The following HOXB3 variants were observed in gnomAD, a reference collection of about 807,000 sequenced individuals.
HOXB3 encodes the protein homeobox B3, also known as homeobox protein Hox-B3.
In HOXB3, 17 loss-of-function variants were observed where a neutral mutation model predicts 29.2. The ratio of observed to expected loss-of-function variants is 0.58; its 90% CI spans 0.40 to 0.87. The LOEUF (loss-of-function observed/expected upper bound fraction) is 0.87, where lower values mean the gene tolerates loss of function less well. HOXB3 is among the 40% of genes least tolerant of loss of function. The pLI is 0.00. For missense variants in HOXB3, 637 were observed against 616.3 expected (o/e 1.03, Z -0.35); for synonymous variants, 317 against 285.9 (o/e 1.11, Z -1.10).
chr17:48,552,766 A>AG (rs2068815346), intron 3 of HOXB3, 134 bp from the exon 4 acceptor site: 1 of 379,478 alleles, frequency 2.6e-6, no homozygotes, highest in South Asian at 1.1e-4. Flanking sequence ...GCAGATGCTG[A>AG]GAAAAAAAAG....
chr17:48,581,493 T>A (rs2069935978), intron 1 of HOXB3: 2 of 152,168 alleles, frequency 1.3e-5, no homozygotes, highest in African/African-American at 4.8e-5. Flanking sequence ...CCAGGGACCT[T>A]TCCAAATCTT....
intron 2 of HOXB3, among the ~76,000 whole-genome samples, chr17:48,562,834 G>C (rs1157439033): frequency 1.3e-5 from 2 of 152,172 alleles, no homozygotes; most frequent in Non-Finnish European, 1.5e-5. Flanking sequence ...GGACAGAAAT[G>C]CAAGAGCCAC....
rs149140733 is a variant in HOXB3, at chr17:48,560,230, G to A, written c.-246-4612C>T. The A allele has an allele frequency of 3.9e-5, 6 of 152,444 alleles. No homozygotes were observed. In the East Asian group the frequency reaches 5.8e-4, roughly 15 times the overall value. 9.4% of individuals were successfully genotyped at this position (152,444 alleles called of 1,614,324 possible). ...ACGGGCCCAGTCCCTGAGGTTCAGC[G>A]GGCCTCTCCTGACAGACTGGATGTT... On this transcript the variant is annotated intron_variant, in intron 2 of 4. Transcript: ENST00000498678.
At chr17:48,580,387 G>GTTTGT (rs2069908402) in intron 1 of HOXB3, 1 of 139,202 alleles carries the variant, frequency 7.2e-6, no homozygotes, top group Admixed American at 8.0e-5. Flanking sequence ...CAAGCCTTTA[G>GTTTGT]TTTGTGATCA....
intron 2 of HOXB3, among the ~76,000 whole-genome samples, chr17:48,558,194 A>G (rs554818863): frequency 1.3e-5 from 2 of 152,318 alleles, no homozygotes; most frequent in East Asian, 1.9e-4. Flanking sequence ...GAATAACACG[A>G]GAGTCCAGAA....
In HOXB3 at chr17:48,554,716, C is replaced by A; in HGVS notation, c.-159+815G>T. On this transcript the variant is annotated intron_variant, in intron 3 of 4. Transcript: ENST00000498678. The surrounding 1 kb of genome is among the most constrained non-coding windows in gnomAD (Gnocchi z 4.1). ...GCAGGTTCCCAGCACACCAGCCGGC[C>A]GAGGGCCGAGCCCCGCGGGCGGCAG... is the stretch of plus-strand genomic sequence containing the variant. The A allele has an allele frequency of 1.4e-6, 1 of 702,296 alleles. No homozygotes were observed. Among genetic ancestry groups the A allele is most frequent in the Non-Finnish European group, 2.6e-6 (1 of 384,824 alleles). The allele number at this position is 702,296 out of a possible 1,614,324, so 43.5% of individuals were successfully genotyped here.
chr17:48,581,359 T>C (rs2069930984), intron 1 of HOXB3: 1 of 152,236 alleles, frequency 6.6e-6, no homozygotes, highest in South Asian at 2.1e-4. Flanking sequence ...TGGTTGTCTT[T>C]GCCAAGAGAG....
Position 48,577,785 on chromosome 17 carries a change from C to G in HOXB3, c.-424-3771G>C. The G allele has an allele frequency of 2.4e-6, 3 of 1,251,428 alleles. No homozygotes were observed. The South Asian group carries it at 8.7e-5, about 36-fold the overall frequency. The allele number at this position is 1,251,428 out of a possible 1,614,324, so 77.5% of individuals were successfully genotyped here. The stretch of plus-strand genomic sequence containing the variant: ...CAATTGGCTTCCCCAGCTCAACCCC[C>G]CCCCAACCCATGCCTCCGAAGTCCC... On this transcript the variant is annotated intron_variant, in intron 1 of 4. Transcript: ENST00000498678.
chr17:48,555,669 G>GC lies in HOXB3; in HGVS notation c.-246-52dup, dbSNP rs1156289193. ...ACTGTTTAAAGCTGCGTCGCCCCCC[G>GC]CCCCCCCGCCCCCGCCCCGCAAAGC... On this transcript the variant is annotated intron_variant, in intron 2 of 4. Transcript: ENST00000498678. 2.2e-3 allele frequency: 1,079 copies of GC among 487,756 alleles called. 2 individuals are homozygous for GC. Among genetic ancestry groups the GC allele is most frequent in the Non-Finnish European group, 2.8e-3 (731 of 262,812 alleles). The allele number at this position is 487,756 out of a possible 1,614,324, so 30.2% of individuals were successfully genotyped here.
At chr17:48,574,891 T>C (rs1309790689) in intron 1 of HOXB3, among the ~76,000 whole-genome samples, 2 of 152,266 alleles carry the variant, frequency 1.3e-5, no homozygotes, top group Non-Finnish European at 2.9e-5. Context: ...TTTGTCTTCT[T>C]GATTATCTAT....
chr17:48,588,822 G>A (rs1197303926), intron 1 of HOXB3, among the ~76,000 whole-genome samples: 2 of 152,194 alleles, frequency 1.3e-5, no homozygotes, highest in Non-Finnish European at 2.9e-5. Flanking sequence ...ATAGAAAGTG[G>A]CTTCAGGAGA....
intron 1 of HOXB3, chr17:48,578,221 G>C: frequency 6.2e-7 from 1 of 1,613,992 alleles, no homozygotes; most frequent in Middle Eastern, 1.7e-4. Flanking sequence ...ACCCGGGCGA[G>C]TGGTCGCTGG....
Position 48,573,975 on chromosome 17 carries a change from T to G in HOXB3, c.-385A>C. ...CCCTTGCAGATCCGGGAGAGACGGCTAACACTTTTTTCCCCCAACAGCCGG... is the reference window on the plus strand; with the variant it reads ...CCCTTGCAGATCCGGGAGAGACGGCGAACACTTTTTTCCCCCAACAGCCGG... On this transcript the variant is annotated 5_prime_UTR_variant, in exon 2 of 5. Coordinates refer to ENST00000498678, the MANE Select transcript of HOXB3 (RefSeq NM_001384749.1). The G allele has an allele frequency of 1.5e-6, 1 of 680,174 alleles. No individual in the cohort carries two copies. The highest frequency in any genetic ancestry group is 1.8e-5 in the African/African-American group (1 of 56,164). The allele number at this position is 680,174 out of a possible 1,614,324, so 42.1% of individuals were successfully genotyped here. A position where few individuals can be genotyped will look rare whatever the true frequency, so the allele number is the denominator to read the frequency against.
chr17:48,558,900 CTG>C (rs896098676), intron 2 of HOXB3, among the ~76,000 whole-genome samples: 2 of 151,002 alleles, frequency 1.3e-5, no homozygotes, highest in African/African-American at 2.4e-5. Context: ...ACCTGGAAAA[CTG>C]TGTGTGTGTG....
At chr17:48,576,650 T>TGCCCCCCCC in intron 1 of HOXB3, 1 of 567,770 alleles carries the variant, frequency 1.8e-6, no homozygotes, top group Non-Finnish European at 2.6e-6. Flanking sequence ...CCCCCTCCTG[T>TGCCCCCCCC]CCCCCCACCC....
chr17:48,554,234 T>A lies in HOXB3; in HGVS notation c.-159+1297A>T, dbSNP rs746742069. Reference sequence around the variant, plus strand: ...GGGGGAATTAATTAACAGGCATTAGTTGTGGTTGTTATTAATAGAGAAGAG... The same window carrying A: ...GGGGGAATTAATTAACAGGCATTAGATGTGGTTGTTATTAATAGAGAAGAG... On this transcript the variant is annotated intron_variant, in intron 3 of 4. Transcript: ENST00000498678. The surrounding 1 kb of genome is among the most constrained non-coding windows in gnomAD (Gnocchi z 4.1). 3.5e-5 allele frequency: 7 copies of A among 198,156 alleles called. No individual in the cohort carries two copies. Among genetic ancestry groups the A allele is most frequent in the Non-Finnish European group, 6.3e-5 (6 of 95,582 alleles). The allele number at this position is 198,156 out of a possible 1,614,324, so 12.3% of individuals were successfully genotyped here.
rs527521372 is a variant in HOXB3 at position 48,558,021 on chromosome 17, G to T, written c.-246-2403C>A. On this transcript the variant is annotated intron_variant, in intron 2 of 4. Transcript: ENST00000498678. The stretch of plus-strand genomic sequence containing the variant: ...GCTTAAAGAAACCAGTACCTTTGGG[G>T]TTTTTTTTTCTATCACTCCCCCAAA... 1.7e-3 allele frequency among the ~76,000 whole-genome samples: 255 copies of T among 150,968 alleles called. 1 individual carries two copies. Among genetic ancestry groups the T allele is most frequent in the Non-Finnish European group, 2.6e-3 (176 of 67,648 alleles).
intron 2 of HOXB3, among the ~76,000 whole-genome samples, chr17:48,561,573 G>C (rs1421053096): frequency 1.3e-5 from 2 of 152,250 alleles, no homozygotes; most frequent in Non-Finnish European, 2.9e-5. Context: ...ACACAAGGGA[G>C]TGCCTCCCAT....
Position 48,551,149 on chromosome 17 carries a change from C to G in HOXB3, c.481G>C (p.Gly161Arg). The change falls in exon 5 of 5, where the codon GGC (glycine) becomes CGC (arginine). Residue 161 changes from glycine (G) to arginine (R), a missense_variant. Physicochemically the swap from Gly to Arg is moderately radical, Grantham distance 125. Transcript: ENST00000498678. ...CCGCTGCCACCACTGCCTCCGCCGC[C>G]GCCGCCACCGCCGCCGCCACCACAG... ...EGCGGGGGGG[G>R]GGGSGGSGGG... 7.7e-7 allele frequency: 1 copy of G among 1,302,912 alleles called. No individual in the cohort carries two copies. Among genetic ancestry groups the G allele is most frequent in the East Asian group, 3.0e-5 (1 of 33,732 alleles). 80.7% of individuals were successfully genotyped at this position (1,302,912 alleles called of 1,614,324 possible).
Sources: allele counts gnomAD v4.1 joint callset (sites outside exome capture counted in the v4.1 genomes callset), GRCh38; gene constraint gnomAD v4.1.1; non-coding constraint Gnocchi (gnomAD v3.1); transcripts MANE v1.5; gene names NCBI Gene and HGNC (gene_info 2026-07-23, HGNC 2026-07-21).